CCDC102B: variants seen among roughly 807,000 people sequenced by gnomAD.
CCDC102B encodes the protein coiled-coil domain-containing protein 102B.
In CCDC102B, 75 loss-of-function variants were observed where a neutral mutation model predicts 57.4. The observed-to-expected ratio is 1.31, with a 90% CI of 1.08 to 1.58. CCDC102B has a LOEUF of 1.58. Among genes scored for constraint, CCDC102B ranks in the 40% most tolerant of loss-of-function variants. CCDC102B has a pLI of 0.00. For missense variants in CCDC102B, 636 were observed against 582.6 expected (o/e 1.09, Z -0.94); for synonymous variants, 206 against 201.9 (o/e 1.02, Z -0.17).
chr18:68,765,045 T>TTAAATAAATAAATAAATAAA (rs60550530), intron 2 of CCDC102B, among the ~76,000 whole-genome samples: 4,517 of 127,054 alleles, frequency 0.036, 157 homozygotes, highest in African/African-American at 0.08. Context: ...AAACCCTCTC[T>TTAAATAAATAAATAAATAAA]TAAATAAATA....
intron 7 of CCDC102B, among the ~76,000 whole-genome samples, chr18:69,028,322 C>A (rs2052047960): frequency 6.6e-6 from 1 of 152,146 alleles, no homozygotes; most frequent in Non-Finnish European, 1.5e-5. Context: ...TGGTAAGTTT[C>A]AAGACGGAAT....
chr18:68,935,680 C>G (rs2049215013), intron 6 of CCDC102B, among the ~76,000 whole-genome samples: 1 of 151,832 alleles, frequency 6.6e-6, no homozygotes, highest in African/African-American at 2.4e-5. Context: ...GAAAAGCAAC[C>G]AGGCCAGAAG....
intron 2 of CCDC102B, among the ~76,000 whole-genome samples, chr18:68,777,472 T>A (rs893334110): frequency 6.6e-6 from 1 of 152,204 alleles, no homozygotes; most frequent in African/African-American, 2.4e-5. Flanking sequence ...AGCACTCTTT[T>A]TCTCCTTGAT....
At chr18:68,751,315 G>C (rs548494524) in intron 2 of CCDC102B, among the ~76,000 whole-genome samples, 1 of 151,960 alleles carries the variant, frequency 6.6e-6, no homozygotes, top group Non-Finnish European at 1.5e-5. Flanking sequence ...TTGTTTAAAG[G>C]CACCTCACTT....
At chr18:68,781,065 A>G (rs1341529746) in intron 2 of CCDC102B, among the ~76,000 whole-genome samples, 2 of 152,044 alleles carry the variant, frequency 1.3e-5, no homozygotes, top group Non-Finnish European at 2.9e-5. Context: ...AGCATAACTT[A>G]TCTGTTTTTG....
chr18:68,767,097 G>A (rs1241268767), intron 2 of CCDC102B, among the ~76,000 whole-genome samples: 1 of 152,130 alleles, frequency 6.6e-6, no homozygotes, highest in African/African-American at 2.4e-5. Flanking sequence ...TTACTAGCTG[G>A]GTAAAATCCA....
At chr18:69,002,008 G>A (rs1166115335) in intron 6 of CCDC102B, among the ~76,000 whole-genome samples, 2 of 152,116 alleles carry the variant, frequency 1.3e-5, no homozygotes, top group Admixed American at 1.3e-4. Flanking sequence ...TAGTAAGTAT[G>A]TTTTCCTGAT....
At chr18:68,774,080 C>G (rs1439140731) in intron 2 of CCDC102B, among the ~76,000 whole-genome samples, 1 of 151,918 alleles carries the variant, frequency 6.6e-6, no homozygotes, top group African/African-American at 2.4e-5. Flanking sequence ...AGGTGGTTTA[C>G]TAACATTCTG....
intron 6 of CCDC102B, among the ~76,000 whole-genome samples, chr18:68,957,595 A>G (rs950107397): frequency 2.4e-5 from 2 of 82,074 alleles, no homozygotes; most frequent in African/African-American, 1.0e-4. Flanking sequence ...TTTGTCTGTT[A>G]TTGGTCTTTT....
intron 7 of CCDC102B, among the ~76,000 whole-genome samples, chr18:69,050,182 A>G (rs1180701540): frequency 6.6e-6 from 1 of 152,184 alleles, no homozygotes; most frequent in Non-Finnish European, 1.5e-5. Flanking sequence ...AGACAGATTC[A>G]TTGTAATTCA....
At chr18:68,889,618 T>G (rs1169656388) in intron 5 of CCDC102B, among the ~76,000 whole-genome samples, 1 of 152,056 alleles carries the variant, frequency 6.6e-6, no homozygotes, top group African/African-American at 2.4e-5. Context: ...GTTTGTTTTT[T>G]CAGTAGAGAT....
intron 2 of CCDC102B, among the ~76,000 whole-genome samples, chr18:68,717,470 G>T (rs1418669867): frequency 6.6e-6 from 1 of 152,068 alleles, no homozygotes; most frequent in Non-Finnish European, 1.5e-5. Context: ...TTTCAGTGTA[G>T]CTACTAGAAA....
At chr18:68,956,619 A>AAT (rs1555733311) in intron 6 of CCDC102B, among the ~76,000 whole-genome samples, 1 of 58,668 alleles carries the variant, frequency 1.7e-5, no homozygotes, top group Non-Finnish European at 2.6e-5. Context: ...TAAAATATAT[A>AAT]ATATATATAT....
At chr18:68,735,701 C>T (rs1009979345) in intron 2 of CCDC102B, among the ~76,000 whole-genome samples, 56 of 152,162 alleles carry the variant, frequency 3.7e-4, no homozygotes, top group African/African-American at 1.3e-3. Flanking sequence ...ACCAGGTGTC[C>T]TCATCACACT....
At chr18:68,980,587 G>A (rs2145290481) in intron 6 of CCDC102B, among the ~76,000 whole-genome samples, 1 of 152,050 alleles carries the variant, frequency 6.6e-6, no homozygotes, top group South Asian at 2.1e-4. Flanking sequence ...GTGGCATACA[G>A]TGCAGTATAA....
At chr18:68,982,899 T>G (rs954492525) in intron 6 of CCDC102B, among the ~76,000 whole-genome samples, 2 of 151,900 alleles carry the variant, frequency 1.3e-5, no homozygotes, top group African/African-American at 4.8e-5. Context: ...ATATAATGTA[T>G]CTCACATATT....
intron 6 of CCDC102B, among the ~76,000 whole-genome samples, chr18:68,947,350 T>C (rs116105637): frequency 0.011 from 1,742 of 152,174 alleles, 33 homozygotes; most frequent in African/African-American, 0.04. Context: ...ATTTGAAGCT[T>C]ATATTTGCAA....
chr18:68,821,739 T>C (rs2036699549), intron 1 of CCDC102B, among the ~76,000 whole-genome samples: 1 of 152,006 alleles, frequency 6.6e-6, no homozygotes, highest in Admixed American at 6.6e-5. Context: ...ATTTTTTCTA[T>C]GGAGAAAATC....
intron 7 of CCDC102B, among the ~76,000 whole-genome samples, chr18:69,012,740 A>G (rs566368753): frequency 6.6e-6 from 1 of 152,312 alleles, no homozygotes; most frequent in Admixed American, 6.5e-5. Flanking sequence ...ACATAAAGCT[A>G]TGCCTTTGCT....
Sources: gnomAD v4.1 joint callset for allele counts (sites outside exome capture counted in the v4.1 genomes callset) on GRCh38, gnomAD v4.1.1 for gene constraint, MANE v1.5 for transcripts, NCBI Gene and HGNC (gene_info 2026-07-23, HGNC 2026-07-21) for gene names.